ATP9B: variants seen among roughly 807,000 people sequenced by gnomAD.
ATP9B encodes ATPase phospholipid transporting 9B.
A neutral mutation model predicts 146.1 loss-of-function variants in ATP9B; 110 were observed. That is an observed-to-expected ratio of 0.75 (90% confidence interval 0.65 to 0.88). The LOEUF (loss-of-function observed/expected upper bound fraction) is 0.88, where lower values mean the gene tolerates loss of function less well. Among genes scored for constraint, ATP9B ranks in the 40% least tolerant of loss-of-function variants. The pLI is 0.00. For missense variants in ATP9B, 1,499 were observed against 1,496.4 expected (o/e 1.00, Z -0.03); for synonymous variants, 604 against 569.7 (o/e 1.06, Z -0.86).
At chr18:79,374,203 T>C in intron 28 of ATP9B, 102 bp downstream of exon 28, 1 of 1,346,800 alleles carries the variant, frequency 7.4e-7, no homozygotes, top group Non-Finnish European at 1.0e-6. Flanking sequence ...TTGTGGATCA[T>C]GGTAAAACCC....
intron 4 of ATP9B, among the ~76,000 whole-genome samples, chr18:79,121,225 A>G (rs1207672527): frequency 1.3e-5 from 2 of 152,196 alleles, no homozygotes; most frequent in Non-Finnish European, 2.9e-5. Context: ...CTAGCTCCGC[A>G]TTGTTCTTGG....
chr18:79,083,305 C>T (rs1301676558), intron 1 of ATP9B, among the ~76,000 whole-genome samples: 3 of 152,296 alleles, frequency 2.0e-5, no homozygotes, highest in South Asian at 2.1e-4. Context: ...GTGCTGGCAG[C>T]GAGCATTTCA....
intron 23 of ATP9B, among the ~76,000 whole-genome samples, chr18:79,346,181 C>T (rs2096885899): frequency 6.6e-6 from 1 of 150,406 alleles, no homozygotes; most frequent in African/African-American, 2.4e-5. Flanking sequence ...TCAGCACGTG[C>T]TCAGCGCACA....
chr18:79,286,830 G>T (rs1402824938), intron 13 of ATP9B, among the ~76,000 whole-genome samples: 2 of 151,892 alleles, frequency 1.3e-5, no homozygotes, highest in Non-Finnish European at 2.9e-5. Context: ...TAGCATGAAG[G>T]GTTGTTGAAT....
At chr18:79,172,160 G>A (rs369085201) in intron 7 of ATP9B, among the ~76,000 whole-genome samples, 3 of 149,708 alleles carry the variant, frequency 2.0e-5, no homozygotes, top group African/African-American at 7.6e-5. Context: ...CTTGCGATCT[G>A]CCTTGGCCTC....
Position 79,214,004 on chromosome 18 carries a change from G to C in ATP9B, c.1073G>C (p.Arg358Pro). The C allele has an allele frequency of 6.2e-7, 1 of 1,605,856 alleles. No homozygotes were observed. The highest frequency in any genetic ancestry group is 8.5e-7 in the Non-Finnish European group (1 of 1,177,552). Reference protein sequence around the residue: ...GVVIYTGKETRSVMNTSNPKN... With the variant: ...GVVIYTGKETPSVMNTSNPKN... Reference sequence around the variant, plus strand: ...GTCATTTATACCGGAAAAGAGACTCGAAGTGTAATGAACACATCCAATCCA... The same window carrying C: ...GTCATTTATACCGGAAAAGAGACTCCAAGTGTAATGAACACATCCAATCCA... The change falls in exon 11 of 30, where the codon CGA becomes CCA. Residue 358 changes from arginine to proline, a missense_variant. Arg to Pro is a moderately radical substitution (Grantham distance 103). Coordinates refer to ENST00000426216, the MANE Select transcript of ATP9B (RefSeq NM_198531.5).
intron 9 of ATP9B, among the ~76,000 whole-genome samples, chr18:79,205,747 A>T (rs2095527815): frequency 6.6e-6 from 1 of 151,942 alleles, no homozygotes; most frequent in African/African-American, 2.4e-5. Flanking sequence ...TTAAGATGAA[A>T]AATTCCCAGA....
intron 26 of ATP9B, among the ~76,000 whole-genome samples, chr18:79,366,799 C>A (rs962504944): frequency 6.6e-6 from 1 of 152,174 alleles, no homozygotes; most frequent in African/African-American, 2.4e-5. Flanking sequence ...AATTCCAGGG[C>A]TGAGGCAAGG....
chr18:79,218,822 A>G (rs1269194430), intron 11 of ATP9B, among the ~76,000 whole-genome samples: 1 of 152,240 alleles, frequency 6.6e-6, no homozygotes, highest in Non-Finnish European at 1.5e-5. Context: ...GGCCAGAACA[A>G]TTAAAAGGCC....
chr18:79,350,077 G>C (rs893989307), intron 25 of ATP9B, among the ~76,000 whole-genome samples: 1 of 152,156 alleles, frequency 6.6e-6, no homozygotes, highest in African/African-American at 2.4e-5. Context: ...CCAGACTCTG[G>C]CGGATTCTAG....
At chr18:79,252,203 G>A (rs1205047987) in intron 11 of ATP9B, among the ~76,000 whole-genome samples, 2 of 152,250 alleles carry the variant, frequency 1.3e-5, no homozygotes, top group African/African-American at 2.4e-5. Flanking sequence ...AGTAGGAACC[G>A]TGGCCACTGT....
intron 13 of ATP9B, among the ~76,000 whole-genome samples, chr18:79,297,776 A>ACT (rs140411808): frequency 0.015 from 1,720 of 113,270 alleles, 192 homozygotes; most frequent in African/African-American, 0.051. Flanking sequence ...CCTTGATAAG[A>ACT]CTCTACACTG....
intron 5 of ATP9B, among the ~76,000 whole-genome samples, chr18:79,131,549 T>C (rs985699438): frequency 6.6e-6 from 1 of 152,296 alleles, no homozygotes; most frequent in Admixed American, 6.5e-5. Context: ...CTGGAGAAAT[T>C]AGAATCTTTG....
intron 15 of ATP9B, among the ~76,000 whole-genome samples, chr18:79,308,961 GCT>G (rs1224972475): frequency 3.8e-5 from 1 of 26,612 alleles, no homozygotes. Context: ...AAGGTCAGGG[GCT>G]GAGGAGTGAT....
chr18:79,075,181 A>G (rs1039059824), intron 1 of ATP9B, among the ~76,000 whole-genome samples: 86 of 151,466 alleles, frequency 5.7e-4, no homozygotes, highest in Non-Finnish European at 5.4e-4. Flanking sequence ...GGTTCACGCC[A>G]TTCTCCTGCC....
chr18:79,149,329 A>G (rs1430829531), intron 6 of ATP9B, among the ~76,000 whole-genome samples: 1 of 152,232 alleles, frequency 6.6e-6, no homozygotes, highest in Non-Finnish European at 1.5e-5. Context: ...AAGGTTAACA[A>G]AACATTATAG....
chr18:79,208,663 C>T (rs1355504198), intron 10 of ATP9B, among the ~76,000 whole-genome samples: 2 of 151,944 alleles, frequency 1.3e-5, no homozygotes, highest in East Asian at 3.9e-4. Context: ...TAATAGGTGA[C>T]AATTTTTGTG....
At chr18:79,194,174 CT>C (rs984389940) in intron 9 of ATP9B, among the ~76,000 whole-genome samples, 16 of 149,138 alleles carry the variant, frequency 1.1e-4, no homozygotes, top group East Asian at 2.0e-4. Flanking sequence ...AAACTCACAT[CT>C]TTTTTTTTTA....
chr18:79,183,902 C>T (rs780487969), intron 8 of ATP9B, among the ~76,000 whole-genome samples: 4 of 151,708 alleles, frequency 2.6e-5, no homozygotes, highest in Non-Finnish European at 5.9e-5. Flanking sequence ...TATGTTTATA[C>T]AATTCTAATT....
Sources: gnomAD v4.1 joint callset for allele counts (sites outside exome capture counted in the v4.1 genomes callset) on GRCh38, gnomAD v4.1.1 for gene constraint, MANE v1.5 for transcripts, NCBI Gene and HGNC (gene_info 2026-07-23, HGNC 2026-07-21) for gene names.